The following NMNAT3 variants were observed in gnomAD, a reference collection of about 807,000 sequenced individuals.
The protein encoded by NMNAT3 is nicotinamide/nicotinic acid mononucleotide adenylyltransferase 3.
NMNAT3 carries 21 observed loss-of-function variants against 24.8 expected under a neutral mutation model. That is an observed-to-expected ratio of 0.85 (90% CI 0.60 to 1.22). The LOEUF (loss-of-function observed/expected upper bound fraction) is 1.22. Ranked by LOEUF, NMNAT3 falls within the 50% of genes most tolerant of loss-of-function variation. The pLI, the probability that NMNAT3 is intolerant of heterozygous loss-of-function variation, is 0.00. For missense variants in NMNAT3, 387 were observed against 436.6 expected (o/e 0.89, Z 1.01); for synonymous variants, 136 against 155.2 (o/e 0.88, Z 0.92).
chr3:139,589,614 A>G (rs548286801), intron 3 of NMNAT3, among the ~76,000 whole-genome samples: 1 of 152,348 alleles, frequency 6.6e-6, no homozygotes, highest in African/African-American at 2.4e-5. Flanking sequence ...AGGTGTCAGC[A>G]GGCTTTTTCC....
chr3:139,671,133 A>G (rs1452021417), intron 1 of NMNAT3, among the ~76,000 whole-genome samples: 1 of 152,188 alleles, frequency 6.6e-6, no homozygotes, highest in Non-Finnish European at 1.5e-5. Flanking sequence ...TAGGAATAAT[A>G]AAATAATATA....
Position 139,653,387 on chromosome 3 carries a change from A to G in NMNAT3, c.-140-15325T>C, listed in dbSNP as rs537717989. ...AAATAATGGAAATCAGGAGTTATAAAATGCTTATGTGAGTTGAAGCCATTA... is the reference window on the plus strand; with the variant it reads ...AAATAATGGAAATCAGGAGTTATAAGATGCTTATGTGAGTTGAAGCCATTA... On this transcript the variant is annotated intron_variant, in intron 1 of 6. Coordinates refer to ENST00000643695, the MANE Select transcript of NMNAT3 (RefSeq NM_001320510.2). Among the ~76,000 whole-genome samples the G allele has an allele frequency of 2.6e-5, 4 of 152,342 alleles. No individual in the cohort carries two copies. In the South Asian group the frequency reaches 8.3e-4, roughly 32 times the overall value.
chr3:139,620,080 C>T (rs919018139), intron 3 of NMNAT3, among the ~76,000 whole-genome samples: 2 of 152,018 alleles, frequency 1.3e-5, no homozygotes, highest in East Asian at 1.9e-4. Flanking sequence ...TTAGTTTATA[C>T]GTCTTCTAAA....
intron 1 of NMNAT3, among the ~76,000 whole-genome samples, chr3:139,652,542 T>C (rs1481600499): frequency 6.6e-6 from 1 of 152,070 alleles, no homozygotes. Context: ...CTGTGTAGCA[T>C]GGCCCCTCAG....
chr3:139,569,304 A>G (rs1044665031), intron 6 of NMNAT3: 1 of 152,130 alleles, frequency 6.6e-6, no homozygotes, highest in Non-Finnish European at 1.5e-5. Context: ...CCAATTTACC[A>G]GTCTGTGTCT....
intron 3 of NMNAT3, among the ~76,000 whole-genome samples, chr3:139,600,316 T>A (rs538137213): frequency 2.6e-5 from 4 of 152,110 alleles, no homozygotes; most frequent in Admixed American, 2.6e-4. Context: ...ATTTTTTTTT[T>A]TTTTTTGAGA....
chr3:139,627,490 A>T (rs1022672313), intron 3 of NMNAT3, 126 bp downstream of exon 4: 8 of 574,198 alleles, frequency 1.4e-5, no homozygotes, highest in Non-Finnish European at 2.2e-5. Context: ...TGATGAAAAA[A>T]ATATGCCACT....
chr3:139,667,894 T>C (rs2057634503), intron 1 of NMNAT3, among the ~76,000 whole-genome samples: 2 of 152,294 alleles, frequency 1.3e-5, no homozygotes, highest in South Asian at 4.1e-4. Flanking sequence ...AAACAAAACA[T>C]GCTGACTCTA....
intron 3 of NMNAT3, among the ~76,000 whole-genome samples, chr3:139,592,144 A>G (rs1356126799): frequency 1.3e-5 from 2 of 152,208 alleles, no homozygotes; most frequent in Non-Finnish European, 2.9e-5. Flanking sequence ...GGAGCTGAAA[A>G]CCAAGGCTCG....
intron 3 of NMNAT3, among the ~76,000 whole-genome samples, chr3:139,617,627 CTAAA>C (rs1405356366): frequency 6.6e-6 from 1 of 152,114 alleles, no homozygotes; most frequent in Admixed American, 6.6e-5. Context: ...TAGTTGTTAA[CTAAA>C]TAAGTATTAA....
chr3:139,578,806 C>T (rs1939706236), intron 5 of NMNAT3, 66 bp downstream of exon 5: 1 of 1,428,844 alleles, frequency 7.0e-7, no homozygotes. Context: ...CTACCTTTTA[C>T]CCTGTAAGCT....
chr3:139,624,988 T>A (rs2055987711), intron 3 of NMNAT3, among the ~76,000 whole-genome samples: 1 of 152,234 alleles, frequency 6.6e-6, no homozygotes, highest in Non-Finnish European at 1.5e-5. Context: ...TCCTTGCAAT[T>A]CTATAAGTTT....
chr3:139,579,114 C>T (rs1939789447), intron 4 of NMNAT3, 59 bp from the exon 5 acceptor site: 2 of 1,454,836 alleles, frequency 1.4e-6, no homozygotes, highest in South Asian at 2.6e-5. Flanking sequence ...ACCTGGCAGC[C>T]TGAATTCAGG....
At chr3:139,623,569 G>A (rs1219912937) in intron 3 of NMNAT3, among the ~76,000 whole-genome samples, 1 of 151,854 alleles carries the variant, frequency 6.6e-6, no homozygotes, top group East Asian at 1.9e-4. Context: ...AATAGTATAT[G>A]CTAGACTTAA....
At chr3:139,664,740 A>G (rs1353870268) in intron 1 of NMNAT3, among the ~76,000 whole-genome samples, 1 of 152,228 alleles carries the variant, frequency 6.6e-6, no homozygotes, top group Non-Finnish European at 1.5e-5. Context: ...AAGAATCTTG[A>G]ATATAAGCTC....
At chr3:139,661,069 T>C (rs2057399471) in intron 1 of NMNAT3, among the ~76,000 whole-genome samples, 1 of 152,170 alleles carries the variant, frequency 6.6e-6, no homozygotes, top group Admixed American at 6.5e-5. Flanking sequence ...CAGCTGTTTG[T>C]GGAAGGACAG....
At chr3:139,639,709 T>C (rs565067272) in intron 1 of NMNAT3, among the ~76,000 whole-genome samples, 63 of 152,330 alleles carry the variant, frequency 4.1e-4, no homozygotes, top group Non-Finnish European at 6.0e-4. Flanking sequence ...TAAAGTCTTT[T>C]GTCTCCGAGG....
In NMNAT3 at chr3:139,582,985, T is replaced by C. The variant is rs1480692378; in HGVS notation, c.333A>G (p.Ile111Met). ...TTTGGTTCCAGGTGCTATCTATAAATATAATTTTTTTCAGTGTTGTGCCTT... is the reference window on the plus strand; with the variant it reads ...TTTGGTTCCAGGTGCTATCTATAAACATAATTTTTTTCAGTGTTGTGCCTT... The change falls in exon 4 of 7, where the codon ATA becomes ATG. Residue 111 changes from isoleucine (I) to methionine (M), a missense_variant. Physicochemically the swap from Ile to Met is conservative, Grantham distance 10 (BLOSUM62 1). This residue lies in a region of NMNAT3 where 323 missense variants were observed against 345.2 expected (regional missense o/e 0.94). Coordinates refer to ENST00000643695, the MANE Select transcript of NMNAT3 (RefSeq NM_001320510.2). 6.3e-7 allele frequency: 1 copy of C among 1,582,650 alleles called. No individual in the cohort carries two copies. Among genetic ancestry groups the C allele is most frequent in the Non-Finnish European group, 8.6e-7 (1 of 1,167,300 alleles).
chr3:139,634,986 C>T (rs577249492), intron 2 of NMNAT3: 1 of 152,320 alleles, frequency 6.6e-6, no homozygotes, highest in African/African-American at 2.4e-5. Context: ...CCCTAAGGCT[C>T]AGTGAGCCAC....
Sources: allele counts gnomAD v4.1 joint callset (sites outside exome capture counted in the v4.1 genomes callset), GRCh38; gene constraint gnomAD v4.1.1; regional missense constraint gnomAD v4.1.1; transcripts MANE v1.5; gene names NCBI Gene and HGNC (gene_info 2026-07-23, HGNC 2026-07-21).